The following NBPF26 variants were observed in gnomAD, a reference collection of about 807,000 sequenced individuals.
NBPF26 encodes the protein NBPF member 26, also known as NBPF family member NBPF26.
In NBPF26, 79 loss-of-function variants were observed where a neutral mutation model predicts 119.6. The observed-to-expected ratio is 0.66, with a 90% CI of 0.55 to 0.80. NBPF26 has a LOEUF of 0.80. Among genes scored for constraint, NBPF26 ranks in the 30% least tolerant of loss-of-function variants. NBPF26 has a pLI of 0.00. For missense variants in NBPF26, 800 were observed against 1,198.2 expected (o/e 0.67, Z 4.91); for synonymous variants, 299 against 457.7 (o/e 0.65, Z 4.43).
intron 2 of NBPF26, 138 bp from the exon 3 acceptor site, chr1:120,784,836 G>C: frequency 1.0e-6 from 1 of 954,014 alleles, no homozygotes; most frequent in East Asian, 2.7e-5. Flanking sequence ...CTAAAGGGAA[G>C]CAGTTTTATA....
intron 2 of NBPF26, among the ~76,000 whole-genome samples, 185 bp downstream of exon 2, chr1:120,763,894 T>TA (rs1440438485): frequency 9.8e-6 from 1 of 101,696 alleles, no homozygotes; most frequent in Non-Finnish European, 1.8e-5. Context: ...AAGAACTTCT[T>TA]ACTATCTTAC....
chr1:120,804,887 A>G lies in NBPF26; in HGVS notation c.752-669A>G, dbSNP rs1651642256. ...TCATTCACTTTCTAGTGGATACAGA[A>G]AAAACTGCAGAAGACCCGGAGGATA... On this transcript the variant is annotated intron_variant, in intron 4 of 29. Transcript: ENST00000620612. 1.7e-5 allele frequency among the ~76,000 whole-genome samples: 2 copies of G among 120,444 alleles called. 1 individual carries two copies. The highest frequency in any genetic ancestry group is 1.6e-4 in the Admixed American group (2 of 12,650). The allele number at this position is 120,444 out of a possible 152,430, so 79.0% of individuals were successfully genotyped here.
At chr1:120,813,224 G>T (rs1225705544) in intron 10 of NBPF26, among the ~76,000 whole-genome samples, 2 of 122,924 alleles carry the variant, frequency 1.6e-5, no homozygotes, top group Non-Finnish European at 3.2e-5. Flanking sequence ...TGAATTACAT[G>T]AGCTATTTCT....
rs1185108229 is a variant in NBPF26 at position 120,728,958 on chromosome 1, T to TG, written c.73+4709dup. Among the ~76,000 whole-genome samples, 4 of 114,882 alleles carry TG rather than the reference T, an allele frequency of 3.5e-5. 1 individual carries two copies. In the South Asian group the frequency reaches 9.9e-4, roughly 28 times the overall value. The allele number at this position is 114,882 out of a possible 152,430, so 75.4% of individuals were successfully genotyped here. The stretch of plus-strand genomic sequence containing the variant: ...TTTTGATCCTTGAGGGCCAGGTCTG[T>TG]GCTACACACATTTCTTCTCTGTACT... On this transcript the variant is annotated intron_variant, in intron 1 of 29. Coordinates refer to ENST00000620612, the Ensembl canonical transcript of NBPF26.
chr1:120,823,921 G>A lies in NBPF26; in HGVS notation c.2640-53G>A, dbSNP rs1167900389. 5.5e-5 allele frequency: 28 copies of A among 509,062 alleles called. 2 individuals carry two copies. Among genetic ancestry groups the A allele is most frequent in the Non-Finnish European group, 8.1e-5 (23 of 285,542 alleles). 31.5% of individuals were successfully genotyped at this position (509,062 alleles called of 1,614,324 possible). On this transcript the variant is annotated intron_variant, in intron 17 of 29. Coordinates refer to ENST00000620612, the Ensembl canonical transcript of NBPF26. ...TTAGCCATGAAATCTAGCTGGGGCT[G>A]TGTGGTTTCTGATTCCCCCTGGCTT... is the stretch of plus-strand genomic sequence containing the variant.
In NBPF26 at chr1:120,744,672, TGA is replaced by T. The variant is rs1212679159; in HGVS notation, c.74-18954_74-18953del. ...ATTAGTCATCACTATAACTTTTTAT[TGA>T]GTGTGTATTTTATGTCAGACACAGT... On this transcript the variant is annotated intron_variant, in intron 1 of 29. Transcript: ENST00000620612. Among the ~76,000 whole-genome samples the T allele has an allele frequency of 5.9e-3, 149 of 25,110 alleles. 62 individuals carry two copies. Among genetic ancestry groups the T allele is most frequent in the African/African-American group, 9.2e-3 (14 of 1,518 alleles). The allele number at this position is 25,110 out of a possible 152,430, so 16.5% of individuals were successfully genotyped here.
exon 28 of NBPF26, chr1:120,838,875 G>A: frequency 1.6e-5 from 1 of 62,710 alleles, no homozygotes; most frequent in Admixed American, 3.1e-4. Flanking sequence ...TTCCTTTTAT[G>A]CATTGGAGGA....
chr1:120,752,705 G>A (rs1651039003), intron 1 of NBPF26, among the ~76,000 whole-genome samples: 1 of 52,258 alleles, frequency 1.9e-5, no homozygotes, highest in Non-Finnish European at 3.1e-5. Flanking sequence ...CTAGTAGCTG[G>A]GACTACAGGC....
At chr1:120,807,332 G>T (rs1303996796) in intron 5 of NBPF26, among the ~76,000 whole-genome samples, 1 of 124,798 alleles carries the variant, frequency 8.0e-6, no homozygotes, top group African/African-American at 3.9e-5. Flanking sequence ...CAGACCTCAG[G>T]GACTGTGAGT....
rs1292034240 is a variant in NBPF26 at position 120,805,907 on chromosome 1, G to T, written c.961+142G>T. 6.3e-6 allele frequency: 4 copies of T among 635,958 alleles called. 2 individuals carry two copies. The highest frequency in any genetic ancestry group is 9.9e-6 in the Non-Finnish European group (4 of 404,428). 39.4% of individuals were successfully genotyped at this position (635,958 alleles called of 1,614,324 possible). On this transcript the variant is annotated intron_variant, in intron 5 of 29. Transcript: ENST00000620612. ...ACAGAAATGGGTATTTTAACATTTT[G>T]TTAAAGTTGGAAGACAGAGGTACCA...
chr1:120,734,434 A>G (rs1650894072), intron 1 of NBPF26, among the ~76,000 whole-genome samples: 1 of 87,086 alleles, frequency 1.1e-5, no homozygotes, highest in Admixed American at 1.1e-4. Flanking sequence ...GGTGTAGTTC[A>G]GAAAACGCCA....
chr1:120,823,738 T>G (rs1372504040), intron 17 of NBPF26, among the ~76,000 whole-genome samples: 2 of 74,534 alleles, frequency 2.7e-5, no homozygotes, highest in Non-Finnish European at 5.1e-5. Context: ...CCTGACCAAT[T>G]CACTGAGCTC....
rs1651972043 is a variant in NBPF26 at position 120,814,857 on chromosome 1, G to C, written c.1906G>C (p.Glu636Gln). Residue 636 changes from glutamate to glutamine, a missense_variant, in exon 12 of 30, where the codon GAA becomes CAA. This residue lies in a region of NBPF26 where 22 missense variants were observed against 33.0 expected (regional missense o/e 0.67). Coordinates refer to ENST00000620612, the Ensembl canonical transcript of NBPF26. ...ATATAAAGTCCTGGTTCACGCTCAG[G>C]AACGAGAGCTGACCCAGTTAAGGGA... The C allele has an allele frequency of 5.7e-6, 7 of 1,237,828 alleles. No homozygotes were observed. The East Asian group carries it at 1.4e-4, about 24-fold the overall frequency. The allele number at this position is 1,237,828 out of a possible 1,614,324, so 76.7% of individuals were successfully genotyped here. A position where few individuals can be genotyped will look rare whatever the true frequency, so the allele number is the denominator to read the frequency against.
At chr1:120,752,567 T>A (rs1651034889) in intron 1 of NBPF26, among the ~76,000 whole-genome samples, 2 of 29,476 alleles carry the variant, frequency 6.8e-5, no homozygotes, top group African/African-American at 6.4e-4. Context: ...TTTTTTTTTT[T>A]TTTTTTTCTT....
rs1423477377 is a variant in NBPF26 at position 120,793,455 on chromosome 1, G to A, written c.710G>A (p.Arg237Gln). Residue 237 changes from arginine (R) to glutamine (Q), a missense_variant, in exon 4 of 30, where the codon CGG (arginine) becomes CAG (glutamine). Coordinates refer to ENST00000620612, the Ensembl canonical transcript of NBPF26. ...CCTTGTGTCAATGGAGGCACCTGTC[G>A]GCAGACTGGTGACTTCACTTTTGAG... 6.6e-5 allele frequency: 95 copies of A among 1,432,940 alleles called. 26 individuals carry two copies. The highest frequency in any genetic ancestry group is 4.7e-4 in the Admixed American group (24 of 51,028). The allele number at this position is 1,432,940 out of a possible 1,614,324, so 88.8% of individuals were successfully genotyped here. A position where few individuals can be genotyped will look rare whatever the true frequency, so the allele number is the denominator to read the frequency against.
At chr1:120,840,862 T>C (rs2101559198), downstream of NBPF26, 2 of 502,698 alleles carry the variant, frequency 4.0e-6, no homozygotes, top group East Asian at 6.3e-5. Flanking sequence ...CACGTATCTC[T>C]GGGTAGCTAC....
chr1:120,778,394 G>A lies in NBPF26; in HGVS notation c.156-6580G>A, dbSNP rs1341402573. The stretch of plus-strand genomic sequence containing the variant: ...TCTGCTGGAAACTAGCCCAGAGGGA[G>A]TAAAGAGGAGCTTTAATGAGGAGCA... On this transcript the variant is annotated intron_variant, in intron 2 of 29. Coordinates refer to ENST00000620612, the Ensembl canonical transcript of NBPF26. Among the ~76,000 whole-genome samples, 4 of 109,126 alleles carry A rather than the reference G, an allele frequency of 3.7e-5. 1 individual carries two copies. The highest frequency in any genetic ancestry group is 1.2e-4 in the African/African-American group (2 of 16,832). 71.6% of individuals were successfully genotyped at this position (109,126 alleles called of 152,430 possible). A position where few individuals can be genotyped will look rare whatever the true frequency, so the allele number is the denominator to read the frequency against.
chr1:120,807,462 G>A, intron 5 of NBPF26, 145 bp from the exon 6 acceptor site: 1 of 473,924 alleles, frequency 2.1e-6, no homozygotes, highest in Non-Finnish European at 3.7e-6. Context: ...GGAGACTGAA[G>A]AGTAAAGATG....
intron 15 of NBPF26, among the ~76,000 whole-genome samples, chr1:120,820,447 A>ATAT (rs1237450716): frequency 3.7e-4 from 4 of 10,836 alleles, no homozygotes; most frequent in African/African-American, 2.2e-3. Context: ...AAGTATTAAA[A>ATAT]ATATATATAT....
Sources: allele counts gnomAD v4.1 joint callset (sites outside exome capture counted in the v4.1 genomes callset), GRCh38; gene constraint gnomAD v4.1.1; regional missense constraint gnomAD v4.1.1; transcripts MANE v1.5; gene names NCBI Gene and HGNC (gene_info 2026-07-23, HGNC 2026-07-21).